WAC: variants seen among roughly 807,000 people sequenced by gnomAD.
The protein encoded by WAC is WW domain-containing adapter protein with coiled-coil.
WAC carries 11 observed loss-of-function variants against 79.6 expected under a neutral mutation model. That is an observed-to-expected ratio of 0.14 (90% CI 0.09 to 0.23). The LOEUF (loss-of-function observed/expected upper bound fraction) is 0.23, where lower values mean the gene tolerates loss of function less well. WAC is among the 10% of genes least tolerant of loss of function. The pLI, the probability that WAC is intolerant of heterozygous loss-of-function variation, is 1.00. For missense variants in WAC, 728 were observed against 773.5 expected, an observed-to-expected ratio of 0.94 and a Z score of 0.70; for synonymous variants, 304 against 276.9, an observed-to-expected ratio of 1.10 and a Z score of -0.97.
At chr10:28,547,588 T>C (rs1837425072) in intron 3 of WAC, among the ~76,000 whole-genome samples, 1 of 152,184 alleles carries the variant, frequency 6.6e-6, no homozygotes, top group South Asian at 2.1e-4. Context: ...TCTAAGACTT[T>C]GCACATTGGG....
chr10:28,544,412 G>T (rs1589131332), intron 3 of WAC, among the ~76,000 whole-genome samples: 1 of 152,186 alleles, frequency 6.6e-6, no homozygotes, highest in South Asian at 2.1e-4. Context: ...TCGCTAGCTA[G>T]ATGACCTAAC....
chr10:28,550,376 T>C (rs1837599722), intron 3 of WAC, among the ~76,000 whole-genome samples: 1 of 152,002 alleles, frequency 6.6e-6, no homozygotes, highest in Non-Finnish European at 1.5e-5. Context: ...ACCTTTTTTT[T>C]TTTTCCTTTG....
chr10:28,607,406 C>G (rs1159974016), intron 7 of WAC, among the ~76,000 whole-genome samples: 1 of 152,122 alleles, frequency 6.6e-6, no homozygotes. Context: ...ATAGTATTAA[C>G]AGTGCTCTTG....
rs1351265600 is a variant in WAC at position 28,617,732 on chromosome 10, T to G, written c.1822T>G (p.Leu608Val). The part of the protein sequence containing the change: ...MSEICTELKN[L>V]RSLVRVCEIQ... ...CGAAATTTGTACTGAATTAAAAAATTTAAGATCTTTAGTCCGAGTATGTGA... is the reference window on the plus strand; with the variant it reads ...CGAAATTTGTACTGAATTAAAAAATGTAAGATCTTTAGTCCGAGTATGTGA... Residue 608 changes from leucine (L) to valine (V), a missense_variant, in exon 13 of 14, where the codon TTA becomes GTA. By Grantham distance (32) the Leu-to-Val change is conservative. Coordinates refer to ENST00000354911, the MANE Select transcript of WAC (RefSeq NM_016628.5). 1.3e-6 allele frequency: 2 copies of G among 1,597,976 alleles called. No individual in the cohort carries two copies. The highest frequency in any genetic ancestry group is 1.8e-5 in the Admixed American group (1 of 56,556).
chr10:28,614,499 A>C, intron 10 of WAC, 68 bp from the exon 11 acceptor site: 1 of 1,151,140 alleles, frequency 8.7e-7, no homozygotes, highest in South Asian at 1.3e-5. Context: ...CAAGACGATT[A>C]CCTAGATTTT....
At chr10:28,609,749 C>T (rs1841135544) in intron 8 of WAC, among the ~76,000 whole-genome samples, 1 of 151,898 alleles carries the variant, frequency 6.6e-6, no homozygotes. Context: ...TGGTGAACGC[C>T]TGTAGTTCCA....
intron 3 of WAC, among the ~76,000 whole-genome samples, chr10:28,541,636 C>T (rs1435027783): frequency 6.6e-6 from 1 of 151,852 alleles, no homozygotes; most frequent in East Asian, 1.9e-4. Flanking sequence ...TATTGTTTCT[C>T]ATCTGACTCC....
intron 5 of WAC, among the ~76,000 whole-genome samples, chr10:28,590,094 GAGGATC>G (rs1306504041): frequency 6.6e-6 from 1 of 152,094 alleles, no homozygotes; most frequent in Non-Finnish European, 1.5e-5. Flanking sequence ...GCCAAGACGG[GAGGATC>G]ACTTGAGCCC....
Position 28,620,524 on chromosome 10 carries a change from C to T in WAC, c.*918C>T, listed in dbSNP as rs987167874. 2.6e-5 allele frequency: 4 copies of T among 152,564 alleles called. No homozygotes were observed. Among genetic ancestry groups the T allele is most frequent in the African/African-American group, 9.7e-5 (4 of 41,434 alleles). The allele number at this position is 152,564 out of a possible 1,614,324, so 9.5% of individuals were successfully genotyped here. ...TGTGAATTGTATCTGTTGTAATAAA[C>T]ATGTTAAAACAAACAAAAATTGTTA... is the stretch of plus-strand genomic sequence containing the variant. On this transcript the variant is annotated 3_prime_UTR_variant, in exon 14 of 14. Transcript: ENST00000354911.
chr10:28,549,372 T>A (rs1837540209), intron 3 of WAC, among the ~76,000 whole-genome samples: 1 of 152,184 alleles, frequency 6.6e-6, no homozygotes, highest in African/African-American at 2.4e-5. Context: ...TTTTAATCCT[T>A]TGATTTTCAG....
At chr10:28,544,915 T>C (rs1047101006) in intron 3 of WAC, among the ~76,000 whole-genome samples, 2 of 151,760 alleles carry the variant, frequency 1.3e-5, no homozygotes, top group African/African-American at 4.8e-5. Context: ...AATACAAAAA[T>C]TAGCTGGGGC....
At chr10:28,618,288 T>C (rs901428389) in intron 13 of WAC, among the ~76,000 whole-genome samples, 2 of 152,206 alleles carry the variant, frequency 1.3e-5, no homozygotes, top group Non-Finnish European at 2.9e-5. Context: ...ATAGGTATTA[T>C]TTTTTAATGC....
Position 28,533,571 on chromosome 10 carries a change from C to T in WAC, c.-9C>T, listed in dbSNP as rs374502180. 18 of 1,563,070 alleles carry T rather than the reference C, an allele frequency of 1.2e-5. No homozygotes were observed. The highest frequency in any genetic ancestry group is 1.4e-5 in the African/African-American group (1 of 70,790). Reference sequence around the variant, plus strand: ...CCCTCCCCGACACACACTCACAGGCCGGGCATTGATGGTAATGTATGCGAG... The same window carrying T: ...CCCTCCCCGACACACACTCACAGGCTGGGCATTGATGGTAATGTATGCGAG... On this transcript the variant is annotated 5_prime_UTR_variant, in exon 1 of 14. Coordinates refer to ENST00000354911, the MANE Select transcript of WAC (RefSeq NM_016628.5).
intron 3 of WAC, among the ~76,000 whole-genome samples, chr10:28,563,769 T>TATTTTTTA (rs1554781627): frequency 8.3e-6 from 1 of 120,554 alleles, no homozygotes; most frequent in Non-Finnish European, 1.9e-5. Flanking sequence ...TTTTTTTTTT[T>TATTTTTTA]TTTTGTATTT....
At chr10:28,607,670 T>A (rs1168655104) in intron 7 of WAC, among the ~76,000 whole-genome samples, 7 of 152,200 alleles carry the variant, frequency 4.6e-5, no homozygotes, top group Non-Finnish European at 1.0e-4. Flanking sequence ...TCATCACATC[T>A]TTAGCCCATT....
intron 3 of WAC, among the ~76,000 whole-genome samples, chr10:28,544,211 G>T (rs1054399429): frequency 6.6e-6 from 1 of 152,072 alleles, no homozygotes; most frequent in East Asian, 1.9e-4. Flanking sequence ...AAATTGTTTC[G>T]CATTGTGTTC....
chr10:28,546,316 A>G (rs1837345644), intron 3 of WAC, among the ~76,000 whole-genome samples: 1 of 152,326 alleles, frequency 6.6e-6, no homozygotes, highest in East Asian at 1.9e-4. Context: ...TCTGCATTTA[A>G]TAATTTGTTC....
chr10:28,598,678 G>A (rs1373433416), intron 7 of WAC, among the ~76,000 whole-genome samples: 1 of 152,162 alleles, frequency 6.6e-6, no homozygotes, highest in African/African-American at 2.4e-5. Flanking sequence ...GGTGTTAGAG[G>A]CAGCTTCTCC....
At chr10:28,559,098 A>T (rs971670470) in intron 3 of WAC, among the ~76,000 whole-genome samples, 1 of 150,748 alleles carries the variant, frequency 6.6e-6, no homozygotes, top group African/African-American at 2.5e-5. Flanking sequence ...GGTATGGTAG[A>T]CAACAGATTA....
Sources: gnomAD v4.1 joint callset for allele counts (sites outside exome capture counted in the v4.1 genomes callset) on GRCh38, gnomAD v4.1.1 for gene constraint, MANE v1.5 for transcripts, NCBI Gene and HGNC (gene_info 2026-07-23, HGNC 2026-07-21) for gene names.